Variants in GPATCH8 observed in about 807,000 individuals in gnomAD.
GPATCH8 encodes G patch domain-containing protein 8.
GPATCH8 carries 18 observed loss-of-function variants against 118.3 expected under a neutral mutation model. That is an observed-to-expected ratio of 0.15 (90% CI 0.11 to 0.23). The LOEUF is 0.23. Ranked by LOEUF, GPATCH8 falls within the 10% of genes least tolerant of loss-of-function variation. The pLI is 1.00. For missense variants in GPATCH8, 1,631 were observed against 1,873.8 expected, an observed-to-expected ratio of 0.87 and a Z score of 2.39; for synonymous variants, 659 against 684.7, an observed-to-expected ratio of 0.96 and a Z score of 0.59.
At chr17:44,426,431 C>A (rs150891711) in intron 5 of GPATCH8, among the ~76,000 whole-genome samples, 11 of 151,926 alleles carry the variant, frequency 7.2e-5, no homozygotes, top group Non-Finnish European at 1.5e-4. Context: ...AGTGAAACTC[C>A]GGCTCTACCA....
At chr17:44,477,083 T>G (rs112764883) in intron 1 of GPATCH8, among the ~76,000 whole-genome samples, 1 of 152,210 alleles carries the variant, frequency 6.6e-6, no homozygotes, top group East Asian at 1.9e-4. Context: ...ATAACTTGAA[T>G]GTTAACCTAA....
chr17:44,413,397 C>A (rs947313340), intron 6 of GPATCH8, among the ~76,000 whole-genome samples: 1 of 151,980 alleles, frequency 6.6e-6, no homozygotes, highest in Admixed American at 6.6e-5. Context: ...CAGCCTCCCA[C>A]GTAGCTGGGA....
chr17:44,460,393 G>A (rs567556688), intron 3 of GPATCH8, among the ~76,000 whole-genome samples: 1 of 151,822 alleles, frequency 6.6e-6, no homozygotes, highest in Admixed American at 6.6e-5. Context: ...AATACTAAAG[G>A]AGAATGAAAT....
chr17:44,477,467 C>G (rs955483071), intron 1 of GPATCH8, among the ~76,000 whole-genome samples: 1 of 152,018 alleles, frequency 6.6e-6, no homozygotes, highest in Non-Finnish European at 1.5e-5. Flanking sequence ...AACTCCTGGG[C>G]TCAAGGAGCC....
intron 6 of GPATCH8, among the ~76,000 whole-genome samples, chr17:44,414,276 TTAGAGA>T (rs1001105639): frequency 6.6e-6 from 1 of 151,796 alleles, no homozygotes; most frequent in Non-Finnish European, 1.5e-5. Flanking sequence ...TAAAAATGAC[TTAGAGA>T]TAGACTTCAT....
In GPATCH8 at chr17:44,406,496, T is replaced by TGGA. The variant is rs758862828; in HGVS notation, c.493-446_493-445insTCC. 9.5e-5 allele frequency among the ~76,000 whole-genome samples: 2 copies of TGGA among 21,070 alleles called. 1 individual carries two copies. The highest frequency in any genetic ancestry group is 3.4e-4 in the African/African-American group (2 of 5,956). 13.8% of individuals were successfully genotyped at this position (21,070 alleles called of 152,430 possible). ...CTTGAAAAGCAATGTACAGCTTACA[T>TGGA]GGGGGGGGGGGGTTATTTAAATTAG... On this transcript the variant is annotated intron_variant, in intron 6 of 7. Transcript: ENST00000591680.
intron 5 of GPATCH8, among the ~76,000 whole-genome samples, chr17:44,429,331 GACA>G (rs1190909782): frequency 2.0e-5 from 3 of 152,082 alleles, no homozygotes; most frequent in South Asian, 2.1e-4. Context: ...AAAGGATAAT[GACA>G]ACATTATACA....
intron 1 of GPATCH8, among the ~76,000 whole-genome samples, chr17:44,484,269 C>A (rs1968598585): frequency 6.6e-6 from 1 of 152,166 alleles, no homozygotes; most frequent in Non-Finnish European, 1.5e-5. Flanking sequence ...CAGGTGTGAG[C>A]CACCATGCGC....
In GPATCH8 at chr17:44,398,908, C is replaced by T. The variant is rs1195705657; in HGVS notation, c.3169G>A (p.Asp1057Asn). The T allele has an allele frequency of 6.2e-7, 1 of 1,614,052 alleles. No individual in the cohort carries two copies. Among genetic ancestry groups the T allele is most frequent in the African/African-American group, 1.3e-5 (1 of 74,910 alleles). The change falls in exon 8 of 8, where the codon GAC (aspartate) becomes AAC (asparagine). Residue 1057 changes from aspartate to asparagine, a missense_variant. Around this residue, in one of 8 missense-constraint regions of GPATCH8, gnomAD observed 922 missense variants for 879.7 expected, o/e 1.05. Coordinates refer to ENST00000591680, the MANE Select transcript of GPATCH8 (RefSeq NM_001002909.4). ...GAAGGTGGACCTGTTGCTTTACTGT[C>T]ATCTCCTCTGCCATCATCTTTCTTC... is the stretch of plus-strand genomic sequence containing the variant. ...PGKKDDGRGD[D>N]SKATGPPSQN...
Position 44,460,232 on chromosome 17 carries a change from CATA to C in GPATCH8, c.193+4237_193+4239del, listed in dbSNP as rs561194514. ...TCTGTTTCTATAATAAACAATTGTT[CATA>C]ATATTTCTCATCAGTAGTGCTTTTT... On this transcript the variant is annotated intron_variant, in intron 3 of 7. Coordinates refer to ENST00000591680, the MANE Select transcript of GPATCH8 (RefSeq NM_001002909.4). Among the ~76,000 whole-genome samples, 171 of 152,224 alleles carry C rather than the reference CATA, an allele frequency of 1.1e-3. 1 individual carries two copies. The highest frequency in any genetic ancestry group is 3.9e-3 in the African/African-American group (162 of 41,544).
intron 6 of GPATCH8, among the ~76,000 whole-genome samples, chr17:44,407,515 G>A (rs1363845234): frequency 2.6e-5 from 4 of 152,176 alleles, no homozygotes; most frequent in East Asian, 1.9e-4. Flanking sequence ...GGAACTACCT[G>A]TATTTCTTCC....
At chr17:44,462,318 T>G (rs1389204379) in intron 3 of GPATCH8, among the ~76,000 whole-genome samples, 1 of 152,188 alleles carries the variant, frequency 6.6e-6, no homozygotes, top group Admixed American at 6.5e-5. Flanking sequence ...CTTCTGACCT[T>G]CTTCTAAAAC....
chr17:44,458,475 T>C (rs546689489), intron 3 of GPATCH8, among the ~76,000 whole-genome samples: 2 of 152,272 alleles, frequency 1.3e-5, no homozygotes, highest in South Asian at 4.1e-4. Flanking sequence ...TTACAGATAT[T>C]TTCCCCAGTC....
At chr17:44,449,852 T>C (rs999943822) in intron 3 of GPATCH8, among the ~76,000 whole-genome samples, 11 of 152,230 alleles carry the variant, frequency 7.2e-5, no homozygotes, top group Admixed American at 6.5e-4. Flanking sequence ...GTGATTCTGC[T>C]GAAAGCCATA....
chr17:44,497,393 C>T (rs1021712403), intron 1 of GPATCH8, among the ~76,000 whole-genome samples: 2 of 151,590 alleles, frequency 1.3e-5, no homozygotes, highest in African/African-American at 4.9e-5. Flanking sequence ...AGTTTGAGAC[C>T]AGCCTGGGCA....
chr17:44,402,921 A>C (rs2049082451), intron 7 of GPATCH8, among the ~76,000 whole-genome samples: 1 of 152,284 alleles, frequency 6.6e-6, no homozygotes, highest in East Asian at 1.9e-4. Flanking sequence ...ATCTTGCCTG[A>C]AAGTTTTATT....
intron 1 of GPATCH8, among the ~76,000 whole-genome samples, chr17:44,489,876 A>C (rs1416519042): frequency 6.6e-6 from 1 of 152,166 alleles, no homozygotes; most frequent in Non-Finnish European, 1.5e-5. Flanking sequence ...ATGGCGTCTG[A>C]TTATCTGAAG....
chr17:44,497,904 A>G (rs1367031824), intron 1 of GPATCH8, among the ~76,000 whole-genome samples: 1 of 152,080 alleles, frequency 6.6e-6, no homozygotes, highest in Admixed American at 6.6e-5. Flanking sequence ...CCACAACTGT[A>G]CTCTAGCCTG....
At position 44,493,955 on chromosome 17, in the gene GPATCH8, C is replaced by A. The variant is rs543394502; in HGVS notation, c.45+9371G>T. The stretch of plus-strand genomic sequence containing the variant: ...TATACCATATTACCATTCTCATAAC[C>A]AGGTCAGATTATCTTTGTAACATCC... On this transcript the variant is annotated intron_variant, in intron 1 of 7. Coordinates refer to ENST00000591680, the MANE Select transcript of GPATCH8 (RefSeq NM_001002909.4). Among the ~76,000 whole-genome samples, 49 of 152,260 alleles carry A rather than the reference C, an allele frequency of 3.2e-4. 1 individual carries two copies. The South Asian group carries it at 8.7e-3, about 27-fold the overall frequency.
Sources: gnomAD v4.1 joint callset for allele counts (sites outside exome capture counted in the v4.1 genomes callset) on GRCh38, gnomAD v4.1.1 for gene constraint, gnomAD v4.1.1 regional missense constraint, MANE v1.5 for transcripts, NCBI Gene and HGNC (gene_info 2026-07-23, HGNC 2026-07-21) for gene names.